Variants in NDUFAF5 observed in about 807,000 individuals in gnomAD.
NDUFAF5 encodes the protein NADH:ubiquinone oxidoreductase complex assembly factor 5.
A neutral mutation model predicts 48.9 loss-of-function variants in NDUFAF5; 34 were observed. The ratio of observed to expected loss-of-function variants is 0.70; its 90% CI spans 0.53 to 0.93. The LOEUF (loss-of-function observed/expected upper bound fraction) is 0.93. NDUFAF5 is among the 40% of genes least tolerant of loss of function. The probability of loss-of-function intolerance (pLI) is 0.00; values close to 1 mark genes in which losing one functional copy is unlikely to be tolerated. For missense variants in NDUFAF5, 428 were observed against 427.5 expected (o/e 1.00, Z -0.01); for synonymous variants, 153 against 150.6 (o/e 1.02, Z -0.12).
chr20:13,798,144 G>A (rs988006207), intron 5 of NDUFAF5, among the ~76,000 whole-genome samples: 5 of 152,112 alleles, frequency 3.3e-5, no homozygotes, highest in Admixed American at 6.6e-5. Flanking sequence ...GAATAGCACC[G>A]TTTAGATAAA....
rs531119517 is a variant in NDUFAF5, at chr20:13,808,415, T to C, written c.718-427T>C. 1.2e-4 allele frequency among the ~76,000 whole-genome samples: 18 copies of C among 152,250 alleles called. No homozygotes were observed. The South Asian group carries it at 3.7e-3, about 32-fold the overall frequency. ...AGCCTATTGGCTGCATTACTAGATA[T>C]AGAATGAAATATTTTGATTCTAGGT... On this transcript the variant is annotated intron_variant, in intron 7 of 10. Coordinates refer to ENST00000378106, the MANE Select transcript of NDUFAF5 (RefSeq NM_024120.5).
At chr20:13,785,326 G>T in intron 1 of NDUFAF5, 36 bp downstream of exon 1, 1 of 1,539,268 alleles carries the variant, frequency 6.5e-7, no homozygotes, top group South Asian at 1.2e-5. Flanking sequence ...CGGGGCGGGC[G>T]ACGCGGAGGC....
chr20:13,785,363 T>A, intron 1 of NDUFAF5, 73 bp downstream of exon 1: 1 of 1,341,390 alleles, frequency 7.5e-7, no homozygotes, highest in Non-Finnish European at 1.0e-6. Context: ...TAGTTCCGGC[T>A]AGGCCCCGAG....
intron 7 of NDUFAF5, among the ~76,000 whole-genome samples, chr20:13,802,474 A>G (rs1472835838): frequency 6.6e-6 from 1 of 151,998 alleles, no homozygotes; most frequent in Non-Finnish European, 1.5e-5. Flanking sequence ...TTTGAAACCA[A>G]CTTGGCCAAC....
intron 2 of NDUFAF5, among the ~76,000 whole-genome samples, 176 bp from the exon 3 acceptor site, chr20:13,788,413 A>G (rs1428848905): frequency 1.3e-5 from 2 of 152,176 alleles, no homozygotes; most frequent in Non-Finnish European, 2.9e-5. Flanking sequence ...TAGCAGACAG[A>G]CTTGCCTTGT....
intron 3 of NDUFAF5, among the ~76,000 whole-genome samples, chr20:13,791,419 G>A (rs957516742): frequency 1.3e-5 from 2 of 152,220 alleles, no homozygotes; most frequent in Admixed American, 1.3e-4. Flanking sequence ...GTCAAAGGAG[G>A]CTATAGTTCT....
intron 8 of NDUFAF5, among the ~76,000 whole-genome samples, chr20:13,811,704 G>A (rs1470721587): frequency 2.0e-5 from 3 of 152,230 alleles, no homozygotes; most frequent in Admixed American, 6.5e-5. Context: ...CAAAATATAT[G>A]CAAAAATAAA....
intron 7 of NDUFAF5, among the ~76,000 whole-genome samples, chr20:13,807,787 C>CA (rs963862879): frequency 9.4e-4 from 131 of 139,838 alleles, no homozygotes; most frequent in African/African-American, 1.7e-3. Context: ...ACTAAAAATA[C>CA]AAAAAAAAAA....
intron 5 of NDUFAF5, among the ~76,000 whole-genome samples, chr20:13,797,731 G>A (rs1358428486): frequency 6.6e-6 from 1 of 152,088 alleles, no homozygotes; most frequent in African/African-American, 2.4e-5. Context: ...TGTAAACTAT[G>A]GACTTGGGGG....
chr20:13,798,381 G>T (rs1568760063), intron 5 of NDUFAF5, 80 bp from the exon 6 acceptor site: 18 of 1,004,474 alleles, frequency 1.8e-5, no homozygotes, highest in East Asian at 4.8e-5. Context: ...CCTTTTTATG[G>T]GTTATCATTA....
At position 13,816,479 on chromosome 20, in the gene NDUFAF5, CTG is replaced by C; in HGVS notation, c.798_799del (p.Ala267LeufsTer3). 1 of 1,613,882 alleles carries C rather than the reference CTG, an allele frequency of 6.2e-7. No individual in the cohort carries two copies. The highest frequency in any genetic ancestry group is 1.1e-5 in the South Asian group (1 of 91,084). On this transcript the variant is annotated frameshift_variant, in exon 9 of 11. Transcript: ENST00000378106. LOFTEE classifies it high-confidence loss of function. ...EDLQGMGESN[C>X]AWNRKALLHR... ...TATTTGTAGGTATGGGTGAGAGTAA[CTG>C]TGCTTGGAATAGAAAAGCCCTGCTG...
In NDUFAF5 at chr20:13,816,929, T is replaced by TGATA; in HGVS notation, c.919_922dup (p.Gly308AspfsTer7). On this transcript the variant is annotated frameshift_variant, in exon 10 of 11. Coordinates refer to ENST00000378106, the MANE Select transcript of NDUFAF5 (RefSeq NM_024120.5). LOFTEE classifies it high-confidence loss of function. ...CCTGCTACATACCAGATCTATTACA[T>TGATA]GATAGGATGGAAATATCATGAGTCA... 6.2e-7 allele frequency: 1 copy of TGATA among 1,609,890 alleles called. No homozygotes were observed.
intron 1 of NDUFAF5, chr20:13,787,003 T>C: frequency 2.3e-6 from 1 of 432,318 alleles, no homozygotes; most frequent in Non-Finnish European, 4.3e-6. Context: ...GCCTGTTGTG[T>C]TCCTTTTGCT....
intron 8 of NDUFAF5, among the ~76,000 whole-genome samples, chr20:13,811,939 A>G (rs1985920649): frequency 6.6e-6 from 1 of 152,212 alleles, no homozygotes; most frequent in African/African-American, 2.4e-5. Context: ...TTGTAAGATG[A>G]TTTAAAGAAA....
At chr20:13,810,501 A>G (rs1053415594) in intron 8 of NDUFAF5, among the ~76,000 whole-genome samples, 5 of 152,096 alleles carry the variant, frequency 3.3e-5, no homozygotes, top group African/African-American at 1.2e-4. Flanking sequence ...GGAACTGGAG[A>G]TAGCAGATAT....
chr20:13,814,888 G>C (rs1421434944), intron 8 of NDUFAF5, among the ~76,000 whole-genome samples: 1 of 152,192 alleles, frequency 6.6e-6, no homozygotes, highest in African/African-American at 2.4e-5. Context: ...CACTGCTTCT[G>C]CAAGAAGGGA....
rs1201408291 is a variant in NDUFAF5, at chr20:13,785,064, T to C, written c.-5T>C. The stretch of plus-strand genomic sequence containing the variant: ...AAGCGCCGGCAATTGGGGTCGCAGC[T>C]GGAGATGCTGCGGCCGGCAGGGCTC... On this transcript the variant is annotated 5_prime_UTR_variant, in exon 1 of 11. Transcript: ENST00000378106. 2.5e-6 allele frequency: 4 copies of C among 1,609,636 alleles called. No homozygotes were observed. Among genetic ancestry groups the C allele is most frequent in the East Asian group, 4.5e-5 (2 of 44,840 alleles).
At chr20:13,787,104 T>C in intron 1 of NDUFAF5, 4 of 610,988 alleles carry the variant, frequency 6.5e-6, no homozygotes, top group East Asian at 2.9e-5. Context: ...TTTTTAAGAA[T>C]ATTTAGTCTG....
At chr20:13,815,329 G>A (rs765808926) in intron 8 of NDUFAF5, among the ~76,000 whole-genome samples, 1 of 152,120 alleles carries the variant, frequency 6.6e-6, no homozygotes, top group Non-Finnish European at 1.5e-5. Flanking sequence ...GACCACAGAT[G>A]ATTGGCCCAA....
Sources: allele counts gnomAD v4.1 joint callset (sites outside exome capture counted in the v4.1 genomes callset), GRCh38; gene constraint gnomAD v4.1.1; transcripts MANE v1.5; gene names NCBI Gene and HGNC (gene_info 2026-07-23, HGNC 2026-07-21).